The following CTNNBL1 variants were observed in gnomAD, a reference collection of about 807,000 sequenced individuals.
CTNNBL1 encodes the protein catenin beta like 1, also known as beta-catenin-like protein 1.
CTNNBL1 carries 31 observed loss-of-function variants against 72.7 expected under a neutral mutation model. The observed-to-expected ratio is 0.43, with a 90% CI of 0.32 to 0.58. The LOEUF is 0.58. CTNNBL1 is among the 20% of genes least tolerant of loss of function. CTNNBL1 has a pLI of 0.08. For missense variants in CTNNBL1, 534 were observed against 725.1 expected, an observed-to-expected ratio of 0.74 and a Z score of 3.03; for synonymous variants, 240 against 267.3, an observed-to-expected ratio of 0.90 and a Z score of 1.00.
intron 13 of CTNNBL1, among the ~76,000 whole-genome samples, chr20:37,842,716 G>A (rs2072315146): frequency 6.6e-6 from 1 of 152,228 alleles, no homozygotes; most frequent in African/African-American, 2.4e-5. Context: ...GTACAAGGCT[G>A]TGACCTGGTA....
At chr20:37,724,490 A>G (rs2073066786) in intron 1 of CTNNBL1, among the ~76,000 whole-genome samples, 1 of 152,196 alleles carries the variant, frequency 6.6e-6, no homozygotes, top group Admixed American at 6.5e-5. Context: ...CAATTGAATG[A>G]GCTTCCTAAC....
chr20:37,707,688 T>A (rs1251666542), intron 1 of CTNNBL1, among the ~76,000 whole-genome samples: 1 of 152,250 alleles, frequency 6.6e-6, no homozygotes, highest in Non-Finnish European at 1.5e-5. Flanking sequence ...GTAGCACTTT[T>A]AATATCCTTC....
At chr20:37,867,965 G>A (rs1298403322) in intron 15 of CTNNBL1, among the ~76,000 whole-genome samples, 1 of 152,202 alleles carries the variant, frequency 6.6e-6, no homozygotes, top group Non-Finnish European at 1.5e-5. Context: ...AGGCCGGGTC[G>A]TCGGACCTGG....
At chr20:37,723,793 A>G (rs1178630982) in intron 1 of CTNNBL1, among the ~76,000 whole-genome samples, 1 of 152,192 alleles carries the variant, frequency 6.6e-6, no homozygotes, top group East Asian at 1.9e-4. Flanking sequence ...ATCTCTAATT[A>G]TGAACTTTGG....
intron 10 of CTNNBL1, among the ~76,000 whole-genome samples, chr20:37,783,814 G>A (rs193249402): frequency 3.3e-5 from 5 of 152,312 alleles, no homozygotes; most frequent in Admixed American, 2.0e-4. Flanking sequence ...GTGCTAAGGA[G>A]AAGAATGTGT....
At chr20:37,780,276 A>G (rs1190895387) in intron 10 of CTNNBL1, among the ~76,000 whole-genome samples, 1 of 152,146 alleles carries the variant, frequency 6.6e-6, no homozygotes, top group Non-Finnish European at 1.5e-5. Flanking sequence ...AATGTGATAT[A>G]TATTTGTTAA....
chr20:37,713,195 G>C (rs192848261), intron 1 of CTNNBL1, among the ~76,000 whole-genome samples: 86 of 152,328 alleles, frequency 5.6e-4, no homozygotes, highest in Admixed American at 3.5e-3. Flanking sequence ...GGGGGAAAAA[G>C]ATGGCATGTG....
intron 11 of CTNNBL1, among the ~76,000 whole-genome samples, chr20:37,815,608 A>C (rs1472273615): frequency 6.6e-6 from 1 of 152,128 alleles, no homozygotes; most frequent in Non-Finnish European, 1.5e-5. Flanking sequence ...ATGAGCCACC[A>C]TGCCTGGCCC....
chr20:37,741,456 G>A (rs1229821392), intron 3 of CTNNBL1, among the ~76,000 whole-genome samples: 1 of 152,158 alleles, frequency 6.6e-6, no homozygotes, highest in Non-Finnish European at 1.5e-5. Flanking sequence ...GGAAATCAGG[G>A]TCTAGCAATA....
chr20:37,860,130 C>A, intron 14 of CTNNBL1, 94 bp downstream of exon 14: 5 of 1,526,226 alleles, frequency 3.3e-6, no homozygotes, highest in Non-Finnish European at 4.5e-6. Flanking sequence ...AGAAGGGGGT[C>A]ACGCTCTCCT....
chr20:37,793,367 T>C (rs1159525755), intron 10 of CTNNBL1, among the ~76,000 whole-genome samples: 1 of 152,362 alleles, frequency 6.6e-6, no homozygotes, highest in Middle Eastern at 3.4e-3. Flanking sequence ...TTTATTATTA[T>C]GAAAATAACT....
chr20:37,763,297 C>T (rs1449120254), intron 5 of CTNNBL1, among the ~76,000 whole-genome samples: 1 of 152,138 alleles, frequency 6.6e-6, no homozygotes, highest in Non-Finnish European at 1.5e-5. Flanking sequence ...TTTAGTGAAG[C>T]TTTTGCTGGC....
chr20:37,729,765 C>T lies in CTNNBL1; in HGVS notation c.31-3114C>T, dbSNP rs550923327. Among the ~76,000 whole-genome samples, 7 of 152,320 alleles carry T rather than the reference C, an allele frequency of 4.6e-5. No individual in the cohort carries two copies. The East Asian group carries it at 1.2e-3, about 25-fold the overall frequency. ...AGATTTCCAGTTGGAAGCCTGCCCT[C>T]CTTTAGGATGAATCTACCTTCCCTT... On this transcript the variant is annotated intron_variant, in intron 1 of 15. Transcript: ENST00000361383.
chr20:37,807,805 A>G (rs2071972967), intron 11 of CTNNBL1, among the ~76,000 whole-genome samples: 1 of 152,206 alleles, frequency 6.6e-6, no homozygotes, highest in South Asian at 2.1e-4. Context: ...CCTTGGGTGC[A>G]CTAGCATGAT....
At chr20:37,859,413 G>GCCA in intron 13 of CTNNBL1, among the ~76,000 whole-genome samples, 1 of 151,740 alleles carries the variant, frequency 6.6e-6, no homozygotes, top group East Asian at 1.9e-4. Flanking sequence ...GAGGCTCGTT[G>GCCA]CCACTACCAG....
intron 13 of CTNNBL1, among the ~76,000 whole-genome samples, chr20:37,858,087 T>G (rs1285108957): frequency 6.6e-6 from 1 of 152,194 alleles, no homozygotes; most frequent in African/African-American, 2.4e-5. Context: ...GTCCTAGCTA[T>G]TTGAGAGGCT....
chr20:37,771,988 A>G (rs1393190120), intron 7 of CTNNBL1, among the ~76,000 whole-genome samples: 2 of 151,776 alleles, frequency 1.3e-5, no homozygotes, highest in Non-Finnish European at 2.9e-5. Flanking sequence ...TCTTTTTCCA[A>G]TGGGTTCTCT....
chr20:37,789,843 G>A (rs976861734), intron 10 of CTNNBL1, among the ~76,000 whole-genome samples: 1 of 152,186 alleles, frequency 6.6e-6, no homozygotes, highest in African/African-American at 2.4e-5. Flanking sequence ...TGAAAATGTT[G>A]ACATGAAGCT....
rs933960228 is a variant in CTNNBL1, at chr20:37,711,598, A to G, written c.30+17446A>G. ...CACATACTAGATAAATAAAAACAAG[A>G]TAATTTCAAATAGGAATATGAAGGA... On this transcript the variant is annotated intron_variant, in intron 1 of 15. Coordinates refer to ENST00000361383, the MANE Select transcript of CTNNBL1 (RefSeq NM_030877.5). Among the ~76,000 whole-genome samples the G allele has an allele frequency of 2.0e-5, 3 of 149,274 alleles. No homozygotes were observed. In the Admixed American group the frequency reaches 2.0e-4, roughly 10 times the overall value.
Sources: gnomAD v4.1 joint callset for allele counts (sites outside exome capture counted in the v4.1 genomes callset) on GRCh38, gnomAD v4.1.1 for gene constraint, MANE v1.5 for transcripts, NCBI Gene and HGNC (gene_info 2026-07-23, HGNC 2026-07-21) for gene names.